The following SLC14A2 variants were observed in gnomAD, a reference collection of about 807,000 sequenced individuals.
SLC14A2 encodes solute carrier family 14 member 2.
A neutral mutation model predicts 104.6 loss-of-function variants in SLC14A2; 91 were observed. That is an observed-to-expected ratio of 0.87 (90% CI 0.73 to 1.04). SLC14A2 has a LOEUF of 1.04. Ranked by LOEUF, SLC14A2 falls within the 50% of genes least tolerant of loss-of-function variation. The probability of loss-of-function intolerance (pLI) is 0.00; values close to 1 mark genes in which losing one functional copy is unlikely to be tolerated. For missense variants in SLC14A2, 1,189 were observed against 1,156.0 expected, an observed-to-expected ratio of 1.03 and a Z score of -0.41; for synonymous variants, 476 against 466.4, an observed-to-expected ratio of 1.02 and a Z score of -0.27.
intron 3 of SLC14A2, among the ~76,000 whole-genome samples, chr18:45,626,691 C>G (rs1466982611): frequency 6.6e-6 from 1 of 150,942 alleles, no homozygotes; most frequent in East Asian, 2.0e-4. Context: ...GTGGCTGGAA[C>G]AGCGTTAAAT....
intron 1 of SLC14A2, among the ~76,000 whole-genome samples, chr18:45,406,329 G>T (rs1325578628): frequency 6.6e-6 from 1 of 152,134 alleles, no homozygotes; most frequent in Non-Finnish European, 1.5e-5. Context: ...TTGATCATGA[G>T]ATTGCAGCAA....
At chr18:45,298,322 A>G (rs542439244) in intron 1 of SLC14A2, among the ~76,000 whole-genome samples, 1 of 152,344 alleles carries the variant, frequency 6.6e-6, no homozygotes, top group South Asian at 2.1e-4. Context: ...GAAAAGGCTC[A>G]TGAAATACCC....
chr18:45,603,585 T>C (rs2044822340), intron 2 of SLC14A2, among the ~76,000 whole-genome samples: 1 of 152,164 alleles, frequency 6.6e-6, no homozygotes, highest in South Asian at 2.1e-4. Context: ...CTGAAACCAT[T>C]ATAACTAGCC....
chr18:45,501,082 A>G (rs2043190492), intron 2 of SLC14A2, among the ~76,000 whole-genome samples: 1 of 152,226 alleles, frequency 6.6e-6, no homozygotes, highest in Non-Finnish European at 1.5e-5. Flanking sequence ...AGTTCACTCA[A>G]CAGTGACCTC....
chr18:45,368,804 C>T (rs2085692525), intron 1 of SLC14A2, among the ~76,000 whole-genome samples: 1 of 152,144 alleles, frequency 6.6e-6, no homozygotes, highest in Non-Finnish European at 1.5e-5. Flanking sequence ...AGAAATTGGT[C>T]CTGTTGGACA....
chr18:45,548,864 T>G (rs1048792455), intron 2 of SLC14A2, among the ~76,000 whole-genome samples: 3 of 152,318 alleles, frequency 2.0e-5, no homozygotes. Flanking sequence ...TTTTGACCCC[T>G]TGATGGTAAT....
At chr18:45,570,063 G>A (rs1000729787) in intron 2 of SLC14A2, among the ~76,000 whole-genome samples, 5 of 152,190 alleles carry the variant, frequency 3.3e-5, no homozygotes, top group African/African-American at 1.2e-4. Context: ...AGGAAAAAGT[G>A]TCTTTCATCC....
At chr18:45,345,431 G>T (rs1222440462) in intron 1 of SLC14A2, among the ~76,000 whole-genome samples, 2 of 152,146 alleles carry the variant, frequency 1.3e-5, no homozygotes, top group African/African-American at 4.8e-5. Context: ...GTTCAGGAGT[G>T]AAGCCTTCTC....
chr18:45,631,648 GC>G (rs1422924812), intron 4 of SLC14A2, among the ~76,000 whole-genome samples: 1 of 152,216 alleles, frequency 6.6e-6, no homozygotes, highest in African/African-American at 2.4e-5. Flanking sequence ...ACAGGGTCTT[GC>G]TTTGTCACCC....
In SLC14A2 at chr18:45,269,664, A is replaced by G. The variant is rs376868725; in HGVS notation, c.-125+56473A>G. 1.1e-4 allele frequency among the ~76,000 whole-genome samples: 16 copies of G among 152,246 alleles called. No homozygotes were observed. The South Asian group carries it at 2.9e-3, about 28-fold the overall frequency. On this transcript the variant is annotated intron_variant, in intron 1 of 20. Coordinates refer to the SLC14A2 transcript ENST00000586448. ...ATAGCTGCTCATAATTGCGCGTACTATGTGCTTCCCAATCTCTCACAAGCC... is the reference window on the plus strand; with the variant it reads ...ATAGCTGCTCATAATTGCGCGTACTGTGTGCTTCCCAATCTCTCACAAGCC...
At chr18:45,371,950 AT>A (rs1366132548) in intron 1 of SLC14A2, among the ~76,000 whole-genome samples, 1 of 152,214 alleles carries the variant, frequency 6.6e-6, no homozygotes, top group African/African-American at 2.4e-5. Flanking sequence ...TTGGGATAGT[AT>A]TACCTACTTA....
intron 1 of SLC14A2, among the ~76,000 whole-genome samples, chr18:45,306,079 C>T (rs1322237195): frequency 1.3e-5 from 2 of 152,140 alleles, no homozygotes; most frequent in African/African-American, 4.8e-5. Flanking sequence ...ATGGATAGAA[C>T]AGCCGCGTCT....
intron 1 of SLC14A2, among the ~76,000 whole-genome samples, chr18:45,366,209 A>G (rs1277528621): frequency 3.3e-5 from 5 of 151,972 alleles, no homozygotes; most frequent in Admixed American, 1.3e-4. Context: ...GGAATCCTCT[A>G]AGCTCCCTGC....
chr18:45,360,523 A>G (rs2085600080), intron 1 of SLC14A2, among the ~76,000 whole-genome samples: 1 of 152,116 alleles, frequency 6.6e-6, no homozygotes, highest in Non-Finnish European at 1.5e-5. Context: ...GCAACATCCC[A>G]TTTTCTAAAG....
chr18:45,627,091 T>TG lies in SLC14A2; in HGVS notation c.470dup (p.Leu158ProfsTer65). On this transcript the variant is annotated frameshift_variant, in exon 4 of 20. Transcript: ENST00000255226. LOFTEE classifies it high-confidence loss of function. Reference sequence around the variant, plus strand: ...TCCAGAATCCCTGGTGGACAATCACTGGGGGCCTGGGGACAGTGGTCTCGA... The same window carrying TG: ...TCCAGAATCCCTGGTGGACAATCACTGGGGGGCCTGGGGACAGTGGTCTCGA... 1 of 1,614,062 alleles carries TG rather than the reference T, an allele frequency of 6.2e-7. No homozygotes were observed. Among genetic ancestry groups the TG allele is most frequent in the Non-Finnish European group, 8.5e-7 (1 of 1,180,000 alleles).
At chr18:45,308,567 T>G (rs1049883148) in intron 1 of SLC14A2, among the ~76,000 whole-genome samples, 1 of 152,168 alleles carries the variant, frequency 6.6e-6, no homozygotes, top group Non-Finnish European at 1.5e-5. Flanking sequence ...CCACTCGCTT[T>G]CCTCCCCTCG....
intron 1 of SLC14A2, among the ~76,000 whole-genome samples, chr18:45,341,213 G>A (rs2085390136): frequency 6.6e-6 from 1 of 151,284 alleles, no homozygotes; most frequent in African/African-American, 2.5e-5. Context: ...CCTAGGCACT[G>A]TTAAGTCCGG....
chr18:45,582,601 C>G (rs2044509696), intron 2 of SLC14A2, among the ~76,000 whole-genome samples: 1 of 152,230 alleles, frequency 6.6e-6, no homozygotes, highest in Middle Eastern at 3.4e-3. Context: ...AACTTTAGTC[C>G]AACGTGCTGA....
chr18:45,471,157 G>T (rs1235775013), intron 1 of SLC14A2, among the ~76,000 whole-genome samples: 1 of 152,180 alleles, frequency 6.6e-6, no homozygotes, highest in East Asian at 1.9e-4. Context: ...TGAAGCATTT[G>T]TACTTGAACA....
Sources: gnomAD v4.1 joint callset for allele counts (sites outside exome capture counted in the v4.1 genomes callset) on GRCh38, gnomAD v4.1.1 for gene constraint, MANE v1.5 for transcripts, NCBI Gene and HGNC (gene_info 2026-07-23, HGNC 2026-07-21) for gene names.